The following DOCK5 variants were observed in gnomAD, a reference collection of about 807,000 sequenced individuals.
DOCK5 encodes the protein dedicator of cytokinesis protein 5.
A neutral mutation model predicts 251.8 loss-of-function variants in DOCK5; 142 were observed. The ratio of observed to expected loss-of-function variants is 0.56; its 90% CI spans 0.49 to 0.65. The LOEUF is 0.65. Among genes scored for constraint, DOCK5 ranks in the 30% least tolerant of loss-of-function variants. DOCK5 has a pLI of 0.00. For synonymous variants in DOCK5, 842 were observed against 835.5 expected (o/e 1.01, Z -0.13); for missense variants, 2,111 against 2,312.3 (o/e 0.91, Z 1.79).
At position 25,368,662 on chromosome 8, in the gene DOCK5, C is replaced by T. The variant is rs1430165967; in HGVS notation, c.3375C>T (p.Ile1125=). The T allele has an allele frequency of 6.2e-7, 1 of 1,613,866 alleles. No individual in the cohort carries two copies. Among genetic ancestry groups the T allele is most frequent in the Admixed American group, 1.7e-5 (1 of 60,010 alleles). Residue 1125 remains isoleucine (I), a synonymous_variant, in exon 33 of 52, where the codon ATC becomes ATT. Transcript: ENST00000276440. The part of the protein sequence containing the change: ...TPEVELRKAT[I]PIFFDMMQCE... ...AAGTAGAGCTCCGGAAAGCCACAAT[C>T]CCCATTTTCTTTGATATGATGCAGT...
chr8:25,371,851 G>GTGTTGGACCCATTT (rs1422026814), intron 34 of DOCK5, among the ~76,000 whole-genome samples: 2 of 152,128 alleles, frequency 1.3e-5, no homozygotes, highest in Non-Finnish European at 2.9e-5. Context: ...CTGGATTAAT[G>GTGTTGGACCCATTT]TGTTGGACCC....
intron 2 of DOCK5, among the ~76,000 whole-genome samples, chr8:25,246,366 C>T (rs557325639): frequency 5.9e-4 from 90 of 152,214 alleles, no homozygotes; most frequent in African/African-American, 2.1e-3. Flanking sequence ...CTCCGTCTCC[C>T]GAGTTCAAGC....
chr8:25,377,317 C>G lies in DOCK5; in HGVS notation c.3829C>G (p.Pro1277Ala). ...TCTTCCTTTTCAGTGGTCTGACAAG[C>G]CCTGTGTGCCTCATTTGCTTCAGAA... ...HAELLQWSDKPCVPHLLQKDS... is the reference protein window; with the variant it reads ...HAELLQWSDKACVPHLLQKDS... Residue 1277 changes from proline to alanine, a missense_variant, in exon 38 of 52, where the codon CCC (proline) becomes GCC (alanine). Around this residue, in one of 3 missense-constraint regions of DOCK5, gnomAD observed 1,717 missense variants for 1,892.4 expected, o/e 0.91. Coordinates refer to ENST00000276440, the MANE Select transcript of DOCK5 (RefSeq NM_024940.8). The G allele has an allele frequency of 6.2e-7, 1 of 1,612,944 alleles. No individual in the cohort carries two copies. Among genetic ancestry groups the G allele is most frequent in the Non-Finnish European group, 8.5e-7 (1 of 1,179,326 alleles).
At chr8:25,389,303 C>T in intron 41 of DOCK5, 71 bp downstream of exon 41, 1 of 1,553,214 alleles carries the variant, frequency 6.4e-7, no homozygotes, top group African/African-American at 1.4e-5. Flanking sequence ...AGCCAGAGAA[C>T]ATAGGAGCTA....
At chr8:25,367,904 G>T (rs1371210765) in intron 31 of DOCK5, among the ~76,000 whole-genome samples, 2 of 152,088 alleles carry the variant, frequency 1.3e-5, no homozygotes, top group Admixed American at 6.6e-5. Context: ...GCCGTGTTTT[G>T]TTTGGCTTTG....
At chr8:25,343,997 C>A (rs1337304867) in intron 25 of DOCK5, among the ~76,000 whole-genome samples, 3 of 152,060 alleles carry the variant, frequency 2.0e-5, no homozygotes, top group African/African-American at 7.2e-5. Flanking sequence ...TTAGTAAAGC[C>A]AGGGTTTCAC....
chr8:25,296,596 A>G lies in DOCK5; in HGVS notation c.554A>G (p.Lys185Arg), dbSNP rs1222091858. ...PDETSTIALFKAHEVASKRIE... is the reference protein window; with the variant it reads ...PDETSTIALFRAHEVASKRIE... ...GAAACCAGCACCATTGCCCTCTTCA[A>G]GGCCCATGAGGTGGCCTCCAAAAGG... is the stretch of plus-strand genomic sequence containing the variant. The change falls in exon 7 of 52, where the codon AAG becomes AGG. Residue 185 changes from lysine (K) to arginine (R), a missense_variant. Transcript: ENST00000276440. 2.5e-6 allele frequency: 4 copies of G among 1,612,602 alleles called. No homozygotes were observed. In the East Asian group the frequency reaches 6.7e-5, roughly 27 times the overall value.
At chr8:25,264,301 C>T (rs1169626046) in intron 2 of DOCK5, among the ~76,000 whole-genome samples, 2 of 151,366 alleles carry the variant, frequency 1.3e-5, no homozygotes, top group African/African-American at 2.4e-5. Flanking sequence ...GCTGGGGTGG[C>T]GGAGGTTGCA....
intron 26 of DOCK5, among the ~76,000 whole-genome samples, chr8:25,350,582 TA>T (rs1227267272): frequency 6.6e-6 from 1 of 152,204 alleles, no homozygotes; most frequent in Admixed American, 6.5e-5. Context: ...CAGTCTTCTA[TA>T]ACAAAATACC....
chr8:25,315,007 T>C (rs1039826730), intron 13 of DOCK5, among the ~76,000 whole-genome samples: 3 of 149,402 alleles, frequency 2.0e-5, no homozygotes, highest in African/African-American at 7.4e-5. Context: ...TTCTGTTCTT[T>C]CTTTGCTCAT....
chr8:25,194,919 AT>A (rs61521553), intron 1 of DOCK5, among the ~76,000 whole-genome samples: 116,105 of 150,270 alleles, frequency 0.77, 45,250 homozygotes, highest in Non-Finnish European at 0.84. Flanking sequence ...CTGCAACGGT[AT>A]TTTTTTTTTT....
At chr8:25,219,708 T>G (rs1333786129) in intron 1 of DOCK5, among the ~76,000 whole-genome samples, 1 of 150,172 alleles carries the variant, frequency 6.7e-6, no homozygotes, top group African/African-American at 2.4e-5. Context: ...GGGTCCGTGT[T>G]TTTTTTTTTT....
At chr8:25,377,155 A>T (rs561529513) in intron 37 of DOCK5, 150 bp from the exon 38 acceptor site, 1 of 980,092 alleles carries the variant, frequency 1.0e-6, no homozygotes, top group Non-Finnish European at 1.4e-6. Flanking sequence ...TGGAGCTGGC[A>T]TGTGTATATG....
chr8:25,367,855 A>T (rs1257355802), intron 31 of DOCK5, among the ~76,000 whole-genome samples: 3 of 152,194 alleles, frequency 2.0e-5, no homozygotes, highest in African/African-American at 7.2e-5. Context: ...ACAGTACTGT[A>T]TGATCATACT....
intron 1 of DOCK5, among the ~76,000 whole-genome samples, chr8:25,199,115 A>G (rs1801806362): frequency 6.6e-6 from 1 of 152,120 alleles, no homozygotes; most frequent in South Asian, 2.1e-4. Flanking sequence ...TCAGTTGCAA[A>G]ATTAATAAGT....
intron 1 of DOCK5, among the ~76,000 whole-genome samples, chr8:25,219,993 C>G (rs757049887): frequency 6.7e-6 from 1 of 150,298 alleles, no homozygotes; most frequent in Non-Finnish European, 1.5e-5. Flanking sequence ...GGAATTGACC[C>G]TTTAGTTTTC....
intron 7 of DOCK5, among the ~76,000 whole-genome samples, chr8:25,297,451 A>G (rs967646376): frequency 2.6e-5 from 4 of 151,724 alleles, no homozygotes; most frequent in African/African-American, 9.7e-5. Context: ...AGAGACTTTC[A>G]CCATGTTGGC....
intron 7 of DOCK5, among the ~76,000 whole-genome samples, chr8:25,298,376 G>A (rs1804672266): frequency 6.6e-6 from 1 of 152,126 alleles, no homozygotes; most frequent in African/African-American, 2.4e-5. Context: ...AAGCTATTGT[G>A]TAAGACAAGC....
At chr8:25,360,658 T>C (rs938332613) in intron 28 of DOCK5, among the ~76,000 whole-genome samples, 11 of 152,216 alleles carry the variant, frequency 7.2e-5, no homozygotes, top group Non-Finnish European at 1.2e-4. Context: ...CTTGGCTCCA[T>C]GCATGGGAAA....
Sources: allele counts gnomAD v4.1 joint callset (sites outside exome capture counted in the v4.1 genomes callset), GRCh38; gene constraint gnomAD v4.1.1; regional missense constraint gnomAD v4.1.1; transcripts MANE v1.5; gene names NCBI Gene and HGNC (gene_info 2026-07-23, HGNC 2026-07-21).